Variants in SRL observed in about 807,000 individuals in gnomAD.
SRL encodes the protein sarcalumenin.
A neutral mutation model predicts 39.5 loss-of-function variants in SRL; 23 were observed. The observed-to-expected ratio is 0.58, with a 90% CI of 0.42 to 0.82. SRL has a LOEUF of 0.82. Ranked by LOEUF, SRL falls within the 40% of genes least tolerant of loss-of-function variation. The probability of loss-of-function intolerance (pLI) is 0.00; values close to 1 mark genes in which losing one functional copy is unlikely to be tolerated. For missense variants in SRL, 592 were observed against 607.8 expected (o/e 0.97, Z 0.27); for synonymous variants, 272 against 237.4 (o/e 1.15, Z -1.34).
At position 4,204,546 on chromosome 16, in the gene SRL, G is replaced by A. The variant is rs186123843; in HGVS notation, c.150C>T (p.Ser50=). Residue 50 remains serine, a synonymous_variant, in exon 2 of 6, where the codon TCC becomes TCT. Transcript: ENST00000399609. ...TCCCCTGGTTACCAGAGTAGTCATC[G>A]GATGGCTTGTCCTCATTCAGCATGA... ...KTLMLNEDKP[S]DDYSAVLQRL... is the part of the protein sequence containing the mutation. 415 of 1,585,206 alleles carry A rather than the reference G, an allele frequency of 2.6e-4. 4 individuals carry two copies. The East Asian group carries it at 8.2e-3, about 32-fold the overall frequency.
intron 1 of SRL, among the ~76,000 whole-genome samples, chr16:4,213,019 G>C (rs1231939692): frequency 6.6e-6 from 1 of 152,224 alleles, no homozygotes; most frequent in African/African-American, 2.4e-5. Flanking sequence ...GCTCTGGCCA[G>C]ATACCTTCAG....
chr16:4,217,649 C>T (rs1406630244), intron 1 of SRL, among the ~76,000 whole-genome samples: 2 of 152,198 alleles, frequency 1.3e-5, no homozygotes, highest in African/African-American at 2.4e-5. Flanking sequence ...CAACTTTATT[C>T]GCCCATAAAA....
intron 4 of SRL, among the ~76,000 whole-genome samples, chr16:4,196,869 G>A (rs937295958): frequency 3.9e-5 from 6 of 152,226 alleles, no homozygotes; most frequent in Admixed American, 1.3e-4. Context: ...GTTCATCCAT[G>A]TAGCAGATAT....
chr16:4,223,824 G>A (rs1567186668), intron 1 of SRL, among the ~76,000 whole-genome samples: 1 of 152,178 alleles, frequency 6.6e-6, no homozygotes, highest in Non-Finnish European at 1.5e-5. Flanking sequence ...AAAGGGTGGA[G>A]GAACCTGCTT....
rs1303217582 is a variant in SRL, at chr16:4,228,617, C to T, written c.61+13390G>A. Reference sequence around the variant, plus strand: ...AGGCGTGGTGGCGGGCACCTGTAGTCCCAGCTACTCGGGAGGTTGAGGCAG... The same window carrying T: ...AGGCGTGGTGGCGGGCACCTGTAGTTCCAGCTACTCGGGAGGTTGAGGCAG... On this transcript the variant is annotated intron_variant, in intron 1 of 5. Coordinates refer to ENST00000399609, the MANE Select transcript of SRL (RefSeq NM_001098814.2). 4.0e-5 allele frequency among the ~76,000 whole-genome samples: 6 copies of T among 151,844 alleles called. No individual in the cohort carries two copies. In the East Asian group the frequency reaches 7.7e-4, roughly 20 times the overall value.
intron 1 of SRL, among the ~76,000 whole-genome samples, chr16:4,208,649 G>A (rs181937305): frequency 5.3e-5 from 8 of 152,232 alleles, no homozygotes; most frequent in Admixed American, 1.3e-4. Flanking sequence ...TTTGCAGGCC[G>A]GATAATCTTA....
intron 1 of SRL, among the ~76,000 whole-genome samples, chr16:4,224,112 C>T (rs377105253): frequency 1.3e-5 from 2 of 152,116 alleles, no homozygotes; most frequent in South Asian, 2.1e-4. Flanking sequence ...CCCTGGGACC[C>T]CGGGCATCTG....
chr16:4,233,465 C>G (rs962253782), intron 1 of SRL, among the ~76,000 whole-genome samples: 3 of 152,178 alleles, frequency 2.0e-5, no homozygotes, highest in Admixed American at 2.0e-4. Context: ...GCAATTGTCC[C>G]CTCCCTGCAC....
intron 1 of SRL, among the ~76,000 whole-genome samples, chr16:4,228,383 C>A (rs1348092323): frequency 6.6e-6 from 1 of 151,724 alleles, no homozygotes; most frequent in Non-Finnish European, 1.5e-5. Context: ...TTGCAGTGAG[C>A]CGAGATTGCA....
chr16:4,210,888 C>T (rs1331196216), intron 1 of SRL, among the ~76,000 whole-genome samples: 2 of 152,154 alleles, frequency 1.3e-5, no homozygotes, highest in Non-Finnish European at 2.9e-5. Flanking sequence ...ACTTCAGAGC[C>T]ACAGTATCCC....
rs767006519 is a variant in SRL, at chr16:4,203,230, G to A, written c.195C>T (p.His65=). 3 of 1,614,082 alleles carry A rather than the reference G, an allele frequency of 1.9e-6. No individual in the cohort carries two copies. The highest frequency in any genetic ancestry group is 1.3e-5 in the African/African-American group (1 of 74,946). ...ACTGCTCCAGAGGCTTGATGGATGAGTGGTAGATCTTCCGAAGCCGCTGCA... is the reference window on the plus strand; with the variant it reads ...ACTGCTCCAGAGGCTTGATGGATGAATGGTAGATCTTCCGAAGCCGCTGCA... ...AVLQRLRKIY[H]SSIKPLEQSY... is the part of the protein sequence containing the mutation. The change falls in exon 3 of 6, where the codon CAC becomes CAT. Residue 65 remains histidine (H), a synonymous_variant. Coordinates refer to ENST00000399609, the MANE Select transcript of SRL (RefSeq NM_001098814.2).
intron 1 of SRL, among the ~76,000 whole-genome samples, chr16:4,213,865 C>G (rs1381752009): frequency 2.0e-5 from 3 of 152,176 alleles, no homozygotes; most frequent in Non-Finnish European, 4.4e-5. Context: ...GGTTGTTAAC[C>G]TCTCTTGAAA....
At position 4,236,439 on chromosome 16, in the gene SRL, C is replaced by T. The variant is rs748727457; in HGVS notation, c.61+5568G>A. Among the ~76,000 whole-genome samples, 102 of 152,102 alleles carry T rather than the reference C, an allele frequency of 6.7e-4. 1 individual carries two copies. The highest frequency in any genetic ancestry group is 5.3e-4 in the Non-Finnish European group (36 of 68,012). On this transcript the variant is annotated intron_variant, in intron 1 of 5. Coordinates refer to ENST00000399609, the MANE Select transcript of SRL (RefSeq NM_001098814.2). The stretch of plus-strand genomic sequence containing the variant: ...TCCTCTTCCTACTCCTCAAACTTAG[C>T]GTTGATCAAGGACTGGTCCTTGAAT...
chr16:4,197,688 T>A lies in SRL; in HGVS notation c.376+111A>T, dbSNP rs11864298. On this transcript the variant is annotated intron_variant, in intron 4 of 5. Transcript: ENST00000399609. ...GTGATCCACTGCCTTGGCCTCCCAA[T>A]GTGCTGGGATTACAGGCATGAGTCA... 29,133 of 852,186 alleles carry A rather than the reference T, an allele frequency of 0.034. 5,047 individuals carry two copies. In the African/African-American group the frequency reaches 0.4, roughly 12 times the overall value. The allele number at this position is 852,186 out of a possible 1,614,324, so 52.8% of individuals were successfully genotyped here. A position where few individuals can be genotyped will look rare whatever the true frequency, so the allele number is the denominator to read the frequency against.
chr16:4,212,096 C>T (rs550872176), intron 1 of SRL, among the ~76,000 whole-genome samples: 1 of 152,270 alleles, frequency 6.6e-6, no homozygotes, highest in East Asian at 1.9e-4. Context: ...TGTTTCCACT[C>T]CTGCGCCCTG....
intron 1 of SRL, among the ~76,000 whole-genome samples, chr16:4,230,577 C>T (rs916523792): frequency 1.5e-4 from 22 of 150,726 alleles, no homozygotes; most frequent in African/African-American, 4.4e-4. Context: ...TTAGTAGAGA[C>T]GGGGTTTCAC....
rs1402057626 is a variant in SRL at position 4,191,154 on chromosome 16, G to A, written c.*999C>T. 6.6e-6 allele frequency: 1 copy of A among 152,274 alleles called. No individual in the cohort carries two copies. The allele number at this position is 152,274 out of a possible 1,614,324, so 9.4% of individuals were successfully genotyped here. A position where few individuals can be genotyped will look rare whatever the true frequency, so the allele number is the denominator to read the frequency against. On this transcript the variant is annotated 3_prime_UTR_variant, in exon 6 of 6. Coordinates refer to ENST00000399609, the MANE Select transcript of SRL (RefSeq NM_001098814.2). ...CCAGTCCCCTCCTGGGTCCGATGAA[G>A]GGATCGAGCCCTCGAGCCAGCTTTG... is the stretch of plus-strand genomic sequence containing the variant.
rs149544102 is a variant in SRL at position 4,236,619 on chromosome 16, G to A, written c.61+5388C>T. On this transcript the variant is annotated intron_variant, in intron 1 of 5. Coordinates refer to ENST00000399609, the MANE Select transcript of SRL (RefSeq NM_001098814.2). The stretch of plus-strand genomic sequence containing the variant: ...CCACCTCCTTCCAGATGCCCCACGA[G>A]TAACCAATCTTCATAATGACCCAAA... 7.0e-3 allele frequency among the ~76,000 whole-genome samples: 1,069 copies of A among 151,820 alleles called. 8 individuals are homozygous for A. Among genetic ancestry groups the A allele is most frequent in the Non-Finnish European group, 0.011 (776 of 67,954 alleles).
chr16:4,218,122 C>T (rs2052481743), intron 1 of SRL, among the ~76,000 whole-genome samples: 1 of 152,138 alleles, frequency 6.6e-6, no homozygotes. Context: ...CTGACTCCAG[C>T]CTCAGTCAGC....
Sources: allele counts gnomAD v4.1 joint callset (sites outside exome capture counted in the v4.1 genomes callset), GRCh38; gene constraint gnomAD v4.1.1; transcripts MANE v1.5; gene names NCBI Gene and HGNC (gene_info 2026-07-23, HGNC 2026-07-21).